MTDH: variants seen among roughly 807,000 people sequenced by gnomAD.
MTDH encodes protein LYRIC.
A neutral mutation model predicts 72.7 loss-of-function variants in MTDH; 34 were observed. The observed-to-expected ratio is 0.47, with a 90% CI of 0.36 to 0.62. MTDH has a LOEUF of 0.62. MTDH is among the 20% of genes least tolerant of loss of function. The probability of loss-of-function intolerance (pLI) is 0.00; values close to 1 mark genes in which losing one functional copy is unlikely to be tolerated. For synonymous variants in MTDH, 266 were observed against 268.9 expected (o/e 0.99, Z 0.10); for missense variants, 677 against 699.4 (o/e 0.97, Z 0.36).
chr8:97,686,855 T>C, intron 3 of MTDH, 103 bp downstream of exon 3: 1 of 692,590 alleles, frequency 1.4e-6, no homozygotes, highest in Non-Finnish European at 2.2e-6. Flanking sequence ...TGTGTTTAGC[T>C]CTTCTTTTTT....
At chr8:97,678,593 T>TC (rs1270911388) in intron 2 of MTDH, among the ~76,000 whole-genome samples, 19 of 138,258 alleles carry the variant, frequency 1.4e-4, no homozygotes, top group Non-Finnish European at 2.6e-4. Flanking sequence ...CTTCCTTCCT[T>TC]CTTTTTTTTT....
intron 1 of MTDH, among the ~76,000 whole-genome samples, chr8:97,650,873 GCA>G (rs1484533693): frequency 6.6e-6 from 1 of 152,014 alleles, no homozygotes. Context: ...GGGACCACAG[GCA>G]CACACCACCA....
intron 7 of MTDH, among the ~76,000 whole-genome samples, chr8:97,705,302 A>C (rs1205100575): frequency 6.6e-6 from 1 of 150,948 alleles, no homozygotes; most frequent in Non-Finnish European, 1.5e-5. Flanking sequence ...ATCTCAAAAA[A>C]AAAAGAGAAT....
chr8:97,713,676 T>C lies in MTDH; in HGVS notation c.1287T>C (p.Asp429=). ...TTTAACCTAAGGTCTCAGATGATGA[T>C]AAAGAAAAGGGAGAGGGAGCTCTTC... The part of the protein sequence containing the change: ...IPDDQKVSDD[D]KEKGEGALPT... The change falls in exon 9 of 12, where the codon GAT becomes GAC. Residue 429 remains aspartate, a synonymous_variant. Transcript: ENST00000336273. 1 of 1,593,064 alleles carries C rather than the reference T, an allele frequency of 6.3e-7. No homozygotes were observed. Among genetic ancestry groups the C allele is most frequent in the Admixed American group, 1.8e-5 (1 of 55,126 alleles).
chr8:97,656,184 A>G (rs553765672), intron 1 of MTDH, among the ~76,000 whole-genome samples: 6 of 152,192 alleles, frequency 3.9e-5, no homozygotes, highest in African/African-American at 1.4e-4. Context: ...ATGTGATTTC[A>G]TTTTAGAAGT....
chr8:97,728,907 GC>G lies in MTDH; in HGVS notation c.*4238del, dbSNP rs1469548206. ...TGTTCCTCCCCATTCTCAACCTGTAGCTTTTTTTTTTTTTCTTTTAATGAGA... is the reference window on the plus strand; with the variant it reads ...TGTTCCTCCCCATTCTCAACCTGTAGTTTTTTTTTTTTTCTTTTAATGAGA... On this transcript the variant is annotated 3_prime_UTR_variant, in exon 12 of 12. Transcript: ENST00000336273. 12 of 137,598 alleles carry G rather than the reference GC, an allele frequency of 8.7e-5. No homozygotes were observed. The highest frequency in any genetic ancestry group is 1.6e-5 in the Non-Finnish European group (1 of 61,660). The allele number at this position is 137,598 out of a possible 1,614,324, so 8.5% of individuals were successfully genotyped here. A position where few individuals can be genotyped will look rare whatever the true frequency, so the allele number is the denominator to read the frequency against.
At chr8:97,683,609 G>T (rs1453189039) in intron 2 of MTDH, among the ~76,000 whole-genome samples, 3 of 151,590 alleles carry the variant, frequency 2.0e-5, no homozygotes, top group Admixed American at 1.3e-4. Flanking sequence ...GCCCTGGCTG[G>T]TCTCATACTC....
At chr8:97,719,021 T>C in intron 9 of MTDH, 28 bp from the exon 10 acceptor site, 5 of 1,555,064 alleles carry the variant, frequency 3.2e-6, no homozygotes, top group Non-Finnish European at 4.4e-6. Context: ...ATGCTTTATA[T>C]AATCTAATAG....
intron 2 of MTDH, among the ~76,000 whole-genome samples, chr8:97,670,465 A>C (rs550222045): frequency 3.0e-4 from 46 of 152,164 alleles, no homozygotes; most frequent in African/African-American, 9.9e-4. Context: ...AAAAATACAA[A>C]AAGAAAATTA....
rs201534103 is a variant in MTDH, at chr8:97,644,734, C to T, written c.228C>T (p.Ala76=). ...GCTACGGCTGGGCCGCGGCTTGCGC[C>T]GGCGCCCGCAAAAAGCGGAGGAGCC... ...LLGYGWAAAC[A]GARKKRRSPP... The change falls in exon 1 of 12, where the codon GCC becomes GCT. Residue 76 remains alanine, a synonymous_variant. Transcript: ENST00000336273. The T allele has an allele frequency of 1.3e-6, 2 of 1,576,614 alleles. No homozygotes were observed. The highest frequency in any genetic ancestry group is 1.1e-5 in the South Asian group (1 of 87,578).
At chr8:97,652,501 T>G (rs564063166) in intron 1 of MTDH, among the ~76,000 whole-genome samples, 1 of 152,220 alleles carries the variant, frequency 6.6e-6, no homozygotes, top group Non-Finnish European at 1.5e-5. Flanking sequence ...TAGTGGTTAT[T>G]ACAGTTTGTA....
intron 6 of MTDH, among the ~76,000 whole-genome samples, chr8:97,694,909 C>T (rs951076605): frequency 1.3e-5 from 2 of 151,372 alleles, no homozygotes; most frequent in African/African-American, 4.9e-5. Flanking sequence ...GGCAACAGAG[C>T]GAGACTCCCT....
intron 2 of MTDH, among the ~76,000 whole-genome samples, chr8:97,683,344 T>TGAGCCAC (rs1813218682): frequency 6.6e-6 from 1 of 151,892 alleles, no homozygotes; most frequent in African/African-American, 2.4e-5. Flanking sequence ...GTTACAGGCG[T>TGAGCCAC]GAGCCACCAC....
intron 2 of MTDH, among the ~76,000 whole-genome samples, chr8:97,672,899 C>T (rs1812686303): frequency 6.6e-6 from 1 of 152,182 alleles, no homozygotes; most frequent in African/African-American, 2.4e-5. Context: ...GTGCTATGTC[C>T]TATGAGCCCA....
At chr8:97,680,726 T>C (rs773365734) in intron 2 of MTDH, among the ~76,000 whole-genome samples, 3 of 152,208 alleles carry the variant, frequency 2.0e-5, no homozygotes, top group Non-Finnish European at 2.9e-5. Flanking sequence ...ATGTCTGTTT[T>C]GAATAATTTC....
At chr8:97,691,358 T>C (rs1343834436) in intron 6 of MTDH, among the ~76,000 whole-genome samples, 170 bp downstream of exon 6, 1 of 152,206 alleles carries the variant, frequency 6.6e-6, no homozygotes, top group Admixed American at 6.5e-5. Context: ...AAGGTGGGAA[T>C]TAAATAAGTA....
At chr8:97,660,911 G>GATA (rs6150719) in intron 1 of MTDH, among the ~76,000 whole-genome samples, 161 bp from the exon 2 acceptor site, 70,968 of 151,100 alleles carry the variant, frequency 0.47, 19,451 homozygotes, top group African/African-American at 0.75. Flanking sequence ...AAACACTAGG[G>GATA]ATAATCTATC....
chr8:97,700,211 G>C (rs183840186), intron 7 of MTDH, among the ~76,000 whole-genome samples: 102 of 151,840 alleles, frequency 6.7e-4, no homozygotes, highest in Non-Finnish European at 1.2e-3. Context: ...ACACATTTTT[G>C]TGCCGGTAGA....
intron 1 of MTDH, among the ~76,000 whole-genome samples, chr8:97,649,657 G>T (rs969993096): frequency 6.6e-6 from 1 of 152,196 alleles, no homozygotes; most frequent in Admixed American, 6.5e-5. Context: ...AGGCTGGAGT[G>T]CAGTGGTGTG....
Sources: gnomAD v4.1 joint callset for allele counts (sites outside exome capture counted in the v4.1 genomes callset) on GRCh38, gnomAD v4.1.1 for gene constraint, MANE v1.5 for transcripts, NCBI Gene and HGNC (gene_info 2026-07-23, HGNC 2026-07-21) for gene names.